MGMT: variants seen among roughly 807,000 people sequenced by gnomAD.
The protein encoded by MGMT is O-6-methylguanine-DNA methyltransferase, also known as methylated-DNA--protein-cysteine methyltransferase.
A neutral mutation model predicts 15.9 loss-of-function variants in MGMT; 14 were observed. That is an observed-to-expected ratio of 0.88 (90% CI 0.58 to 1.37). The LOEUF (loss-of-function observed/expected upper bound fraction) is 1.37, where lower values mean the gene tolerates loss of function less well. MGMT is among the 40% of genes most tolerant of loss of function. The pLI, the probability that MGMT is intolerant of heterozygous loss-of-function variation, is 0.00. For synonymous variants in MGMT, 130 were observed against 118.2 expected, an observed-to-expected ratio of 1.10 and a Z score of -0.65; for missense variants, 282 against 268.1, an observed-to-expected ratio of 1.05 and a Z score of -0.36.
At chr10:129,523,771 G>T (rs1845839066) in intron 1 of MGMT, among the ~76,000 whole-genome samples, 1 of 152,210 alleles carries the variant, frequency 6.6e-6, no homozygotes, top group South Asian at 2.1e-4. Context: ...GTGGCCTCAT[G>T]TTCTGAGCAG....
chr10:129,740,544 G>A (rs73377849), intron 3 of MGMT, among the ~76,000 whole-genome samples: 6,818 of 152,302 alleles, frequency 0.045, 480 homozygotes, highest in African/African-American at 0.15. Context: ...ACACAGGTGA[G>A]CTCATTTACC....
At chr10:129,641,319 G>T (rs1847325944) in intron 2 of MGMT, among the ~76,000 whole-genome samples, 1 of 152,150 alleles carries the variant, frequency 6.6e-6, no homozygotes, top group Non-Finnish European at 1.5e-5. Flanking sequence ...TTAAAGAAAT[G>T]GAGAGATATA....
intron 1 of MGMT, among the ~76,000 whole-genome samples, chr10:129,475,414 G>A (rs776383689): frequency 3.3e-5 from 5 of 152,176 alleles, no homozygotes; most frequent in African/African-American, 1.2e-4. Flanking sequence ...GAGGCACGGC[G>A]GATGCTGCGG....
At chr10:129,519,442 T>C (rs775255199) in intron 1 of MGMT, among the ~76,000 whole-genome samples, 3 of 152,244 alleles carry the variant, frequency 2.0e-5, no homozygotes, top group Non-Finnish European at 4.4e-5. Context: ...CCTTGTGGAC[T>C]AGAGCATCGG....
At chr10:129,488,836 A>G (rs1056242555) in intron 1 of MGMT, among the ~76,000 whole-genome samples, 2 of 152,136 alleles carry the variant, frequency 1.3e-5, no homozygotes, top group African/African-American at 4.8e-5. Context: ...AGGGCTCTGC[A>G]GCGGCTTCAC....
At chr10:129,720,068 C>T (rs953737950) in intron 3 of MGMT, among the ~76,000 whole-genome samples, 6 of 152,170 alleles carry the variant, frequency 3.9e-5, no homozygotes, top group African/African-American at 9.7e-5. Flanking sequence ...CCGCCCTCCG[C>T]CCTTGCTTGC....
chr10:129,559,529 T>C (rs1464525220), intron 2 of MGMT, among the ~76,000 whole-genome samples: 1 of 152,092 alleles, frequency 6.6e-6, no homozygotes, highest in Non-Finnish European at 1.5e-5. Flanking sequence ...TTAGGGGAGA[T>C]TTCTTTAGGT....
chr10:129,648,539 A>G (rs1847421816), intron 2 of MGMT, among the ~76,000 whole-genome samples: 1 of 152,270 alleles, frequency 6.6e-6, no homozygotes, highest in African/African-American at 2.4e-5. Flanking sequence ...AGTGACTGTT[A>G]GAAGCTTAAT....
At chr10:129,495,994 G>T (rs1174043037) in intron 1 of MGMT, among the ~76,000 whole-genome samples, 1 of 152,192 alleles carries the variant, frequency 6.6e-6, no homozygotes, top group Non-Finnish European at 1.5e-5. Context: ...GGTCCCTGCG[G>T]CTGGGGACTG....
chr10:129,574,736 G>GTT lies in MGMT; in HGVS notation c.125+38359_125+38360insTT. Among the ~76,000 whole-genome samples, 2 of 152,120 alleles carry GTT rather than the reference G, an allele frequency of 1.3e-5. 1 individual carries two copies. Among genetic ancestry groups the GTT allele is most frequent in the Non-Finnish European group, 2.9e-5 (2 of 68,040 alleles). ...GGGTTAAATACTCCAGCATTCCTTG[G>GTT]AAAACACTTCTGTGAGCATTGTCGC... On this transcript the variant is annotated intron_variant, in intron 2 of 4. Transcript: ENST00000651593.
intron 1 of MGMT, among the ~76,000 whole-genome samples, chr10:129,501,592 C>CAGAAA (rs1845575196): frequency 2.6e-5 from 4 of 152,174 alleles, no homozygotes; most frequent in African/African-American, 9.7e-5. Flanking sequence ...TCATTTACCT[C>CAGAAA]CCCATTCTTT....
At chr10:129,496,595 T>C (rs1237476392) in intron 1 of MGMT, among the ~76,000 whole-genome samples, 1 of 152,100 alleles carries the variant, frequency 6.6e-6, no homozygotes, top group African/African-American at 2.4e-5. Flanking sequence ...CTCAGGGTGG[T>C]GCACTCTGGG....
chr10:129,669,178 C>A lies in MGMT; in HGVS notation c.126-38717C>A, dbSNP rs554259729. Among the ~76,000 whole-genome samples, 10 of 151,970 alleles carry A rather than the reference C, an allele frequency of 6.6e-5. 1 individual carries two copies. In the South Asian group the frequency reaches 2.1e-3, roughly 32 times the overall value. On this transcript the variant is annotated intron_variant, in intron 2 of 4. Transcript: ENST00000651593. ...CTGATATTTTTGTTTTTTTAAAAAT[C>A]AACTTATTTTGTTTTACTGCAATTT...
At chr10:129,724,282 G>A (rs549020283) in intron 3 of MGMT, among the ~76,000 whole-genome samples, 51 of 152,188 alleles carry the variant, frequency 3.4e-4, no homozygotes, top group Non-Finnish European at 6.0e-4. Flanking sequence ...TTAAGGAGCC[G>A]GACACAGCAA....
chr10:129,658,129 T>A (rs955314657), intron 2 of MGMT, among the ~76,000 whole-genome samples: 6 of 151,688 alleles, frequency 4.0e-5, no homozygotes, highest in Non-Finnish European at 7.4e-5. Context: ...AATTGTGGAG[T>A]TTTTTCCCCC....
intron 3 of MGMT, among the ~76,000 whole-genome samples, chr10:129,739,049 A>G (rs1309812041): frequency 6.6e-6 from 1 of 152,252 alleles, no homozygotes; most frequent in Non-Finnish European, 1.5e-5. Flanking sequence ...ACCAAAGACA[A>G]AAACCATATG....
intron 2 of MGMT, among the ~76,000 whole-genome samples, chr10:129,580,492 C>T (rs1313387149): frequency 1.3e-5 from 2 of 152,128 alleles, no homozygotes; most frequent in Admixed American, 6.5e-5. Flanking sequence ...GGGCTTTGAG[C>T]GAGGAAGGCC....
chr10:129,654,178 G>T (rs1847497387), intron 2 of MGMT, among the ~76,000 whole-genome samples: 2 of 152,190 alleles, frequency 1.3e-5, no homozygotes, highest in African/African-American at 4.8e-5. Context: ...GAAGCTGGAT[G>T]GTGAGGTAGC....
intron 1 of MGMT, among the ~76,000 whole-genome samples, chr10:129,530,716 C>A (rs374244679): frequency 1.4e-4 from 22 of 152,326 alleles, no homozygotes; most frequent in African/African-American, 4.8e-4. Context: ...GAAAAGGCAG[C>A]CAGCAGGACC....
Sources: gnomAD v4.1 joint callset for allele counts (sites outside exome capture counted in the v4.1 genomes callset) on GRCh38, gnomAD v4.1.1 for gene constraint, MANE v1.5 for transcripts, NCBI Gene and HGNC (gene_info 2026-07-23, HGNC 2026-07-21) for gene names.